Variants in CEP112 observed in about 807,000 individuals in gnomAD.
CEP112 encodes centrosomal protein of 112 kDa.
CEP112 carries 127 observed loss-of-function variants against 153.0 expected under a neutral mutation model. That is an observed-to-expected ratio of 0.83 (90% CI 0.72 to 0.96). CEP112 has a LOEUF of 0.96. CEP112 is among the 40% of genes least tolerant of loss of function. The probability of loss-of-function intolerance (pLI) is 0.00; values close to 1 mark genes in which losing one functional copy is unlikely to be tolerated. For missense variants in CEP112, 1,089 were observed against 1,101.2 expected (o/e 0.99, Z 0.16); for synonymous variants, 358 against 374.4 (o/e 0.96, Z 0.51).
At chr17:65,892,967 C>T (rs1307225326) in intron 20 of CEP112, among the ~76,000 whole-genome samples, 3 of 152,040 alleles carry the variant, frequency 2.0e-5, no homozygotes, top group Admixed American at 1.3e-4. Flanking sequence ...GGTTTGTTTT[C>T]GTAATAAATA....
At chr17:66,027,448 TA>T (rs1377631043) in intron 16 of CEP112, 52 bp downstream of exon 16, 1 of 1,298,062 alleles carries the variant, frequency 7.7e-7, no homozygotes, top group Non-Finnish European at 1.0e-6. Flanking sequence ...CAGTCTGCAT[TA>T]ATGCCTCATT....
chr17:65,909,947 T>A (rs2060223975), intron 19 of CEP112, among the ~76,000 whole-genome samples: 1 of 151,980 alleles, frequency 6.6e-6, no homozygotes, highest in East Asian at 1.9e-4. Flanking sequence ...TCTGCCTGGG[T>A]GGAAGAATAG....
intron 19 of CEP112, among the ~76,000 whole-genome samples, chr17:65,921,924 A>G (rs1408269478): frequency 6.6e-6 from 1 of 152,156 alleles, no homozygotes; most frequent in African/African-American, 2.4e-5. Flanking sequence ...AAACTGTCAC[A>G]ATGTGGATAA....
chr17:65,970,211 G>GTATTA, intron 17 of CEP112, among the ~76,000 whole-genome samples: 1 of 110,308 alleles, frequency 9.1e-6, no homozygotes, highest in African/African-American at 3.0e-5. Flanking sequence ...TGCATGTCAT[G>GTATTA]CATGCATATA....
At chr17:66,006,639 C>T (rs2064289264) in intron 16 of CEP112, among the ~76,000 whole-genome samples, 1 of 152,030 alleles carries the variant, frequency 6.6e-6, no homozygotes, top group African/African-American at 2.4e-5. Flanking sequence ...AAAAGCTCTT[C>T]ATATGCATAT....
At chr17:65,741,727 T>C (rs2051149787) in intron 23 of CEP112, among the ~76,000 whole-genome samples, 1 of 151,972 alleles carries the variant, frequency 6.6e-6, no homozygotes, top group Admixed American at 6.5e-5. Context: ...ACCTACTACT[T>C]GGTATTTGGA....
Position 66,096,634 on chromosome 17 carries a change from T to TG in CEP112, c.643-3dup, listed in dbSNP as rs781135049. Reference sequence around the variant, plus strand: ...TCTCAGGTATCGAGGATTTTCTATCTGAAAATTTAAAAATAAAACAAAATA... The same window carrying TG: ...TCTCAGGTATCGAGGATTTTCTATCTGGAAAATTTAAAAATAAAACAAAATA... On this transcript the variant is annotated splice_polypyrimidine_tract_variant and splice_region_variant and intron_variant, in intron 6 of 26. Transcript: ENST00000535342. 1 of 1,566,242 alleles carries TG rather than the reference T, an allele frequency of 6.4e-7. No individual in the cohort carries two copies. Among genetic ancestry groups the TG allele is most frequent in the Admixed American group, 1.7e-5 (1 of 59,042 alleles).
chr17:65,905,877 G>A (rs992600175), intron 19 of CEP112, among the ~76,000 whole-genome samples: 3 of 151,978 alleles, frequency 2.0e-5, no homozygotes, highest in Admixed American at 6.6e-5. Flanking sequence ...CCCGGGGGGC[G>A]GAGCTTGCAG....
In CEP112 at chr17:65,859,853, A is replaced by G. The variant is rs983474128; in HGVS notation, c.2164-7819T>C. Among the ~76,000 whole-genome samples the G allele has an allele frequency of 3.6e-4, 18 of 49,946 alleles. No homozygotes were observed. In the South Asian group the frequency reaches 8.5e-3, roughly 23 times the overall value. The allele number at this position is 49,946 out of a possible 152,430, so 32.8% of individuals were successfully genotyped here. On this transcript the variant is annotated intron_variant, in intron 20 of 26. Transcript: ENST00000535342. ...GAAACCCTGTCTCTACTAAAAATAC[A>G]AAAAAAAAAAAAAAAAAATTAGCTG... is the stretch of plus-strand genomic sequence containing the variant.
intron 19 of CEP112, among the ~76,000 whole-genome samples, chr17:65,923,390 A>G (rs1176130476): frequency 6.6e-6 from 1 of 152,148 alleles, no homozygotes; most frequent in African/African-American, 2.4e-5. Flanking sequence ...GTTACAGAAT[A>G]TAATATAGAC....
chr17:65,963,693 G>T (rs1416139576), intron 17 of CEP112, among the ~76,000 whole-genome samples: 8 of 151,986 alleles, frequency 5.3e-5, no homozygotes. Flanking sequence ...GTGTGTGTGT[G>T]TGTGTGTGTG....
intron 23 of CEP112, among the ~76,000 whole-genome samples, chr17:65,694,108 G>A (rs2048249126): frequency 1.3e-5 from 2 of 152,152 alleles, no homozygotes; most frequent in Admixed American, 6.5e-5. Flanking sequence ...TGCTCAGTGG[G>A]TCTGAACAGT....
At chr17:65,871,184 A>G (rs961282216) in intron 20 of CEP112, among the ~76,000 whole-genome samples, 1 of 152,232 alleles carries the variant, frequency 6.6e-6, no homozygotes, top group Non-Finnish European at 1.5e-5. Context: ...CAATGAGATG[A>G]AAGAAAGGAG....
At chr17:65,728,421 T>A (rs1049064568) in intron 23 of CEP112, among the ~76,000 whole-genome samples, 1 of 151,998 alleles carries the variant, frequency 6.6e-6, no homozygotes, top group Admixed American at 6.6e-5. Flanking sequence ...CTAGGAAGGG[T>A]TGCAAGAGAA....
At position 65,750,909 on chromosome 17, in the gene CEP112, A is replaced by AC. The variant is rs2051802998; in HGVS notation, c.2395-186_2395-185insG. ...TCATCACTTAAAAAGCAAAAAAAAA[A>AC]AAAAGATCTCTTCTGCCAATTATTA... On this transcript the variant is annotated intron_variant, in intron 21 of 26. Coordinates refer to ENST00000535342, the MANE Select transcript of CEP112 (RefSeq NM_001199165.4). 1.1e-5 allele frequency: 6 copies of AC among 535,340 alleles called. No homozygotes were observed. The East Asian group carries it at 1.8e-4, about 16-fold the overall frequency. The allele number at this position is 535,340 out of a possible 1,614,324, so 33.2% of individuals were successfully genotyped here.
At chr17:66,078,476 T>C (rs953456028) in intron 8 of CEP112, among the ~76,000 whole-genome samples, 2 of 152,098 alleles carry the variant, frequency 1.3e-5, no homozygotes, top group African/African-American at 4.8e-5. Flanking sequence ...CATGATGGTC[T>C]TGAACTCCTG....
intron 18 of CEP112, among the ~76,000 whole-genome samples, chr17:65,928,653 A>G (rs1018672184): frequency 1.3e-5 from 2 of 152,160 alleles, no homozygotes; most frequent in African/African-American, 4.8e-5. Context: ...GCTTGAGCCC[A>G]GGAGTCGGAG....
chr17:65,846,324 G>C (rs1470628715), intron 21 of CEP112, among the ~76,000 whole-genome samples: 1 of 152,088 alleles, frequency 6.6e-6, no homozygotes, highest in East Asian at 1.9e-4. Context: ...AATTTGTGTA[G>C]AAAAATTCAA....
intron 24 of CEP112, among the ~76,000 whole-genome samples, chr17:65,643,129 A>AG (rs1404774714): frequency 1.3e-5 from 2 of 151,986 alleles, no homozygotes; most frequent in Admixed American, 6.5e-5. Context: ...GAGAAAATGG[A>AG]GGGGGCTGAA....
Sources: allele counts gnomAD v4.1 joint callset (sites outside exome capture counted in the v4.1 genomes callset), GRCh38; gene constraint gnomAD v4.1.1; transcripts MANE v1.5; gene names NCBI Gene and HGNC (gene_info 2026-07-23, HGNC 2026-07-21).